The following KLHL2 variants were observed in gnomAD, a reference collection of about 807,000 sequenced individuals.
The protein encoded by KLHL2 is kelch like family member 2.
A neutral mutation model predicts 75.8 loss-of-function variants in KLHL2; 15 were observed. The observed-to-expected ratio is 0.20, with a 90% CI of 0.13 to 0.30. The LOEUF (loss-of-function observed/expected upper bound fraction) is 0.30, where lower values mean the gene tolerates loss of function less well. Ranked by LOEUF, KLHL2 falls within the 10% of genes least tolerant of loss-of-function variation. The pLI is 1.00. For missense variants in KLHL2, 381 were observed against 741.0 expected (o/e 0.51, Z 5.64); for synonymous variants, 214 against 251.9 (o/e 0.85, Z 1.42).
chr4:165,293,306 C>T (rs552528670), intron 5 of KLHL2, among the ~76,000 whole-genome samples: 3 of 152,152 alleles, frequency 2.0e-5, no homozygotes, highest in Admixed American at 6.5e-5. Flanking sequence ...GGCCAAGAAG[C>T]GATCTTTTTT....
At chr4:165,288,244 T>C (rs957062752) in intron 5 of KLHL2, among the ~76,000 whole-genome samples, 1 of 152,216 alleles carries the variant, frequency 6.6e-6, no homozygotes, top group Admixed American at 6.5e-5. Context: ...GCACAATTTG[T>C]TGAAGAGATT....
At chr4:165,314,543 C>T (rs1385238720) in intron 13 of KLHL2, among the ~76,000 whole-genome samples, 2 of 152,086 alleles carry the variant, frequency 1.3e-5, no homozygotes, top group African/African-American at 4.8e-5. Context: ...ACTGGAGATC[C>T]TAGTTCTCAG....
intron 5 of KLHL2, among the ~76,000 whole-genome samples, chr4:165,263,654 G>A (rs1285433548): frequency 2.0e-5 from 3 of 150,332 alleles, no homozygotes; most frequent in African/African-American, 4.9e-5. Flanking sequence ...CCCAGGCTGC[G>A]GTGTGGTGGT....
chr4:165,292,054 AT>A (rs1400950708), intron 5 of KLHL2, among the ~76,000 whole-genome samples: 2 of 151,956 alleles, frequency 1.3e-5, no homozygotes. Flanking sequence ...TGTATGTGCT[AT>A]AGTTGTTTTT....
At chr4:165,245,399 G>A (rs572051293) in intron 4 of KLHL2, among the ~76,000 whole-genome samples, 1 of 152,234 alleles carries the variant, frequency 6.6e-6, no homozygotes, top group Non-Finnish European at 1.5e-5. Flanking sequence ...GAGCTGCCCT[G>A]GGTGAACACT....
chr4:165,296,724 TTAGA>T (rs1347419927), intron 6 of KLHL2, among the ~76,000 whole-genome samples: 1 of 152,146 alleles, frequency 6.6e-6, no homozygotes, highest in African/African-American at 2.4e-5. Context: ...CTGAGAAATA[TTAGA>T]TAGAATTGCC....
At chr4:165,249,754 GC>G (rs1333879441) in intron 4 of KLHL2, among the ~76,000 whole-genome samples, 10 of 152,162 alleles carry the variant, frequency 6.6e-5, no homozygotes, top group Non-Finnish European at 1.3e-4. Context: ...AGGGCAGGGT[GC>G]CCTGGTATTT....
intron 4 of KLHL2, among the ~76,000 whole-genome samples, chr4:165,241,020 A>G (rs1456948149): frequency 1.3e-5 from 2 of 152,200 alleles, no homozygotes; most frequent in Non-Finnish European, 2.9e-5. Context: ...CCTCTTGTGT[A>G]TATATTGCTT....
intron 5 of KLHL2, among the ~76,000 whole-genome samples, chr4:165,285,669 A>G (rs1744034342): frequency 6.6e-6 from 1 of 152,098 alleles, no homozygotes; most frequent in Non-Finnish European, 1.5e-5. Context: ...GGCCTCCCAA[A>G]GTGCTGGGAT....
At chr4:165,279,447 A>G (rs771698645) in intron 5 of KLHL2, 2 of 1,600,894 alleles carry the variant, frequency 1.2e-6, no homozygotes, top group South Asian at 1.1e-5. Flanking sequence ...TTCTCTATAC[A>G]CTCATAGACA....
At chr4:165,220,221 A>C (rs1737872613) in intron 2 of KLHL2, among the ~76,000 whole-genome samples, 162 bp downstream of exon 2, 1 of 152,216 alleles carries the variant, frequency 6.6e-6, no homozygotes, top group East Asian at 1.9e-4. Context: ...CAAATAATTT[A>C]TCAGAAGTGT....
intron 5 of KLHL2, among the ~76,000 whole-genome samples, chr4:165,266,927 A>C (rs898671299): frequency 4.0e-5 from 6 of 151,756 alleles, no homozygotes; most frequent in Non-Finnish European, 5.9e-5. Context: ...GCCATTTTCA[A>C]GATATTGATT....
intron 5 of KLHL2, among the ~76,000 whole-genome samples, chr4:165,275,821 T>C (rs1186745595): frequency 6.6e-6 from 1 of 152,168 alleles, no homozygotes; most frequent in Admixed American, 6.5e-5. Flanking sequence ...CAGGACTACC[T>C]GTGGAGAATT....
intron 9 of KLHL2, among the ~76,000 whole-genome samples, chr4:165,307,330 A>C (rs965489296): frequency 6.6e-6 from 1 of 152,132 alleles, no homozygotes; most frequent in African/African-American, 2.4e-5. Context: ...AACAAACAAA[A>C]AAACAAAAAA....
chr4:165,231,755 A>G (rs1228805690), intron 3 of KLHL2, among the ~76,000 whole-genome samples: 3 of 152,210 alleles, frequency 2.0e-5, no homozygotes, highest in Middle Eastern at 3.4e-3. Flanking sequence ...ATATATTTTT[A>G]TTTCTCTTGG....
intron 3 of KLHL2, among the ~76,000 whole-genome samples, chr4:165,232,759 A>G (rs1739003980): frequency 6.6e-6 from 1 of 152,064 alleles, no homozygotes; most frequent in Non-Finnish European, 1.5e-5. Flanking sequence ...AATGAAAAAG[A>G]AAAAAAGAAG....
At chr4:165,274,933 C>T (rs1424976100) in intron 5 of KLHL2, among the ~76,000 whole-genome samples, 4 of 142,772 alleles carry the variant, frequency 2.8e-5, no homozygotes, top group Non-Finnish European at 6.5e-5. Context: ...GCTCTCGTGG[C>T]TTCAGCAGCG....
chr4:165,250,798 T>C (rs1399384383), intron 4 of KLHL2, among the ~76,000 whole-genome samples: 1 of 152,124 alleles, frequency 6.6e-6, no homozygotes, highest in Non-Finnish European at 1.5e-5. Context: ...AAATAGCTCC[T>C]ATGACTTTTC....
At chr4:165,302,531 C>G (rs1425812887) in intron 8 of KLHL2, among the ~76,000 whole-genome samples, 1 of 152,114 alleles carries the variant, frequency 6.6e-6, no homozygotes, top group Non-Finnish European at 1.5e-5. Flanking sequence ...CTTTTCATAT[C>G]TCAGACATTA....
Sources: allele counts gnomAD v4.1 joint callset (sites outside exome capture counted in the v4.1 genomes callset), GRCh38; gene constraint gnomAD v4.1.1; transcripts MANE v1.5; gene names NCBI Gene and HGNC (gene_info 2026-07-23, HGNC 2026-07-21).